The following HUWE1 variants were observed in gnomAD, a reference collection of about 807,000 sequenced individuals.
HUWE1 encodes the protein E3 ubiquitin-protein ligase HUWE1.
Under a neutral mutation model 299.4 loss-of-function variants are expected in HUWE1, and 18 were observed. The observed-to-expected ratio is 0.06, with a 90% CI of 0.04 to 0.09. HUWE1 has a LOEUF of 0.09. Ranked by LOEUF, HUWE1 falls within the 10% of genes least tolerant of loss-of-function variation. The pLI, the probability that HUWE1 is intolerant of heterozygous loss-of-function variation, is 1.00. For missense variants in HUWE1, 1,832 were observed against 3,462.3 expected (o/e 0.53, Z 11.82); for synonymous variants, 1,317 against 1,286.1 (o/e 1.02, Z -0.51).
chrX:53,603,453 G>A lies in HUWE1; in HGVS notation c.2791C>T (p.Leu931=), dbSNP rs144396302. Reference sequence around the variant, plus strand: ...TGGCTCAGCTTGCTCAAAACACTCAGACCCAATTGAGAGCCCCACTGGTTT... The same window carrying A: ...TGGCTCAGCTTGCTCAAAACACTCAAACCCAATTGAGAGCCCCACTGGTTT... ...SVNQWGSQLG[L]SVLSKLSQLY... The change falls in exon 27 of 84, where the codon CTG becomes TTG. Residue 931 remains leucine, a synonymous_variant. Coordinates refer to ENST00000262854, the MANE Select transcript of HUWE1 (RefSeq NM_031407.7). The A allele has an allele frequency of 8.3e-7, 1 of 1,206,068 alleles. No homozygotes were observed. Among genetic ancestry groups the A allele is most frequent in the African/African-American group, 1.8e-5 (1 of 56,844 alleles).
At chrX:53,623,646 C>CA (rs781897876) in intron 19 of HUWE1, among the ~76,000 whole-genome samples, 1,176 of 106,993 alleles carry the variant, frequency 0.011, 23 homozygotes, top group African/African-American at 0.037. Flanking sequence ...TGTCATAAGA[C>CA]AAAAAAAAAG....
At chrX:53,566,133 GTATATA>G (rs71830310) in intron 49 of HUWE1, among the ~76,000 whole-genome samples, 442 of 38,973 alleles carry the variant, frequency 0.011, 6 homozygotes, top group African/African-American at 0.039. Context: ...GTGTGTGTGT[GTATATA>G]TATATATATA....
intron 49 of HUWE1, among the ~76,000 whole-genome samples, chrX:53,566,606 A>G (rs1215764402): frequency 1.8e-5 from 2 of 111,150 alleles, no homozygotes; most frequent in African/African-American, 6.6e-5. Flanking sequence ...ACAGGCGTAC[A>G]TGTCCAGCTA....
intron 80 of HUWE1, chrX:53,535,801 ATCTC>A (rs1170369024): frequency 2.6e-6 from 1 of 383,601 alleles, no homozygotes; most frequent in Admixed American, 4.3e-5. Flanking sequence ...ACGGAATGTA[ATCTC>A]TTAGGAAAAG....
Position 53,564,798 on chromosome X carries a change from A to G in HUWE1, c.6881-76T>C, listed in dbSNP as rs1455216705. The G allele has an allele frequency of 5.2e-6, 6 of 1,153,377 alleles. No individual in the cohort carries two copies. In the East Asian group the frequency reaches 1.5e-4, roughly 29 times the overall value. On this transcript the variant is annotated intron_variant, in intron 50 of 83. Coordinates refer to ENST00000262854, the MANE Select transcript of HUWE1 (RefSeq NM_031407.7). ...GGCACCATGAGGCAAGCGCAAAGAC[A>G]ATAAGGTCCCTTCCTTGGGCAAGTT...
intron 23 of HUWE1, among the ~76,000 whole-genome samples, chrX:53,611,598 G>A (rs1203139201): frequency 9.0e-6 from 1 of 111,447 alleles, no homozygotes; most frequent in Admixed American, 9.5e-5. Flanking sequence ...CAGGTGCGGC[G>A]GTGCACACCT....
At chrX:53,541,328 C>G (rs1352098588) in intron 74 of HUWE1, among the ~76,000 whole-genome samples, 1 of 112,092 alleles carries the variant, frequency 8.9e-6, no homozygotes, top group Non-Finnish European at 1.9e-5. Context: ...TGGCTCATGC[C>G]TGTAATCCCA....
At chrX:53,630,407 C>T (rs2066795705) in intron 12 of HUWE1, among the ~76,000 whole-genome samples, 1 of 111,466 alleles carries the variant, frequency 9.0e-6, no homozygotes, top group African/African-American at 3.3e-5. Context: ...GTGAGTACCT[C>T]AATATTAAAC....
Position 53,645,259 on chromosome X carries a change from G to A in HUWE1, c.504+52C>T, listed in dbSNP as rs2067899381. 4.3e-6 allele frequency: 5 copies of A among 1,166,414 alleles called. No individual in the cohort carries two copies. In the South Asian group the frequency reaches 9.0e-5, roughly 21 times the overall value. On this transcript the variant is annotated intron_variant, in intron 7 of 83. Coordinates refer to ENST00000262854, the MANE Select transcript of HUWE1 (RefSeq NM_031407.7). ...CACTCCAAGAAACACCTGTTGAAAG[G>A]AACCATATGCTCCAATTTTTGCACC... is the stretch of plus-strand genomic sequence containing the variant.
At chrX:53,667,088 T>C (rs2069284038) in intron 3 of HUWE1, among the ~76,000 whole-genome samples, 1 of 111,918 alleles carries the variant, frequency 8.9e-6, no homozygotes, top group African/African-American at 3.2e-5. Flanking sequence ...AGAAATAAAA[T>C]AGATTAGAAG....
At chrX:53,578,686 C>T (rs1360345235) in intron 43 of HUWE1, among the ~76,000 whole-genome samples, 2 of 79,592 alleles carry the variant, frequency 2.5e-5, no homozygotes, top group East Asian at 4.3e-4. Flanking sequence ...GTGGGGGGAT[C>T]AGCCCCCCGC....
At chrX:53,632,625 C>A in intron 8 of HUWE1, 61 bp from the exon 9 acceptor site, 3 of 859,326 alleles carry the variant, frequency 3.5e-6, no homozygotes, top group Non-Finnish European at 3.5e-6. Flanking sequence ...AAACATTATC[C>A]CCCACATCTT....
At chrX:53,654,770 T>C (rs185123390) in intron 3 of HUWE1, among the ~76,000 whole-genome samples, 107 of 112,516 alleles carry the variant, frequency 9.5e-4, no homozygotes, top group Non-Finnish European at 1.6e-3. Context: ...ATAAAACTTA[T>C]GTCTAAAGAA....
chrX:53,628,700 G>A (rs1462621287), intron 14 of HUWE1, 52 bp downstream of exon 14: 2 of 1,206,745 alleles, frequency 1.7e-6, no homozygotes, highest in East Asian at 3.0e-5. Context: ...AAAAGACAAA[G>A]GCAGAGGGCA....
At chrX:53,535,089 G>A (rs1242231969) in intron 81 of HUWE1, among the ~76,000 whole-genome samples, 3 of 110,588 alleles carry the variant, frequency 2.7e-5, no homozygotes, top group Non-Finnish European at 5.7e-5. Context: ...GGCGCACGCT[G>A]CCACACTTGG....
At chrX:53,634,330 G>A (rs782381616) in intron 7 of HUWE1, 32 bp from the exon 8 acceptor site, 26 of 1,095,704 alleles carry the variant, frequency 2.4e-5, no homozygotes, top group Non-Finnish European at 2.9e-5. Flanking sequence ...TGTTAAGACA[G>A]TGCTTATGGT....
chrX:53,583,311 A>G (rs1325414107), intron 42 of HUWE1, among the ~76,000 whole-genome samples: 1 of 109,921 alleles, frequency 9.1e-6, no homozygotes, highest in East Asian at 2.8e-4. Flanking sequence ...AGATTAAAAA[A>G]AAAAAAAGAA....
intron 3 of HUWE1, among the ~76,000 whole-genome samples, chrX:53,655,389 A>C (rs1413890370): frequency 1.8e-5 from 2 of 112,121 alleles, no homozygotes; most frequent in African/African-American, 6.5e-5. Context: ...GCAGGCATTC[A>C]AGGAAGAGTT....
Position 53,575,634 on chromosome X carries a change from T to C in HUWE1, c.6030+9A>G, listed in dbSNP as rs782018870. 2.5e-6 allele frequency: 3 copies of C among 1,209,166 alleles called. No individual in the cohort carries two copies. The highest frequency in any genetic ancestry group is 1.8e-5 in the South Asian group (1 of 56,868). On this transcript the variant is annotated intron_variant, in intron 45 of 83. Coordinates refer to ENST00000262854, the MANE Select transcript of HUWE1 (RefSeq NM_031407.7). ...GAAGAAAGATAAAACGCTGTTGGAA[T>C]TGACTTACATTAATGGAAAAACCTG...
Sources: allele counts gnomAD v4.1 joint callset (sites outside exome capture counted in the v4.1 genomes callset), GRCh38; gene constraint gnomAD v4.1.1; transcripts MANE v1.5; gene names NCBI Gene and HGNC (gene_info 2026-07-23, HGNC 2026-07-21).